The following CTDSPL variants were observed in gnomAD, a reference collection of about 807,000 sequenced individuals.
The protein encoded by CTDSPL is CTD small phosphatase like, also known as CTD small phosphatase-like protein.
A neutral mutation model predicts 30.5 loss-of-function variants in CTDSPL; 8 were observed. The observed-to-expected ratio is 0.26, with a 90% CI of 0.15 to 0.47. The LOEUF is 0.47. Ranked by LOEUF, CTDSPL falls within the 20% of genes least tolerant of loss-of-function variation. The probability of loss-of-function intolerance (pLI) is 0.99; values close to 1 mark genes in which losing one functional copy is unlikely to be tolerated. For synonymous variants in CTDSPL, 110 were observed against 137.9 expected, an observed-to-expected ratio of 0.80 and a Z score of 1.42; for missense variants, 248 against 366.1, an observed-to-expected ratio of 0.68 and a Z score of 2.63.
chr3:37,959,487 C>T (rs549846544), intron 3 of CTDSPL, among the ~76,000 whole-genome samples: 1 of 152,296 alleles, frequency 6.6e-6, no homozygotes, highest in African/African-American at 2.4e-5. Flanking sequence ...TCCAGACAAA[C>T]ACAAACATAT....
intron 2 of CTDSPL, among the ~76,000 whole-genome samples, chr3:37,948,686 A>C (rs1194792455): frequency 6.6e-6 from 1 of 152,232 alleles, no homozygotes; most frequent in African/African-American, 2.4e-5. Flanking sequence ...GAAGGTTTTC[A>C]TATGGTCAAA....
At chr3:37,880,646 G>A (rs1698192833) in intron 1 of CTDSPL, among the ~76,000 whole-genome samples, 1 of 152,174 alleles carries the variant, frequency 6.6e-6, no homozygotes, top group African/African-American at 2.4e-5. Flanking sequence ...TAAAGGTCAA[G>A]AATCCAATAG....
chr3:37,876,401 A>C (rs115162335), intron 1 of CTDSPL, among the ~76,000 whole-genome samples: 1,600 of 152,304 alleles, frequency 0.011, 35 homozygotes, highest in South Asian at 0.078. Context: ...CCAAAATATT[A>C]TCTGTGGTGG....
chr3:37,948,068 G>T (rs1326240409), intron 2 of CTDSPL, among the ~76,000 whole-genome samples: 2 of 152,236 alleles, frequency 1.3e-5, no homozygotes, highest in Non-Finnish European at 2.9e-5. Flanking sequence ...CAGATCACCT[G>T]AGGTCAGGAG....
chr3:37,948,021 C>CGTGG (rs1699059447), intron 2 of CTDSPL, among the ~76,000 whole-genome samples: 3 of 152,224 alleles, frequency 2.0e-5, no homozygotes, highest in African/African-American at 7.2e-5. Context: ...TGGTGGCTCA[C>CGTGG]GCCTGTAATC....
rs1330500742 is a variant in CTDSPL, at chr3:37,938,575, G to C, written c.80-8482G>C. On this transcript the variant is annotated intron_variant, in intron 1 of 7. Transcript: ENST00000273179. The stretch of plus-strand genomic sequence containing the variant: ...TGGCATAAACATAAACATCTGTTGG[G>C]TAGCTCTTTAGACCAGTCTTCTTGG... Among the ~76,000 whole-genome samples the C allele has an allele frequency of 2.7e-5, 4 of 150,078 alleles. 1 individual carries two copies. The Admixed American group carries it at 2.7e-4, about 10-fold the overall frequency.
chr3:37,928,428 TA>T (rs1304115747), intron 1 of CTDSPL, among the ~76,000 whole-genome samples: 3 of 152,230 alleles, frequency 2.0e-5, no homozygotes, highest in African/African-American at 7.2e-5. Flanking sequence ...GCCAGCCTAA[TA>T]GGTGTGAAGT....
rs182423909 is a variant in CTDSPL, at chr3:37,901,366, C to T, written c.79+39088C>T. Among the ~76,000 whole-genome samples, 163 of 152,278 alleles carry T rather than the reference C, an allele frequency of 1.1e-3. 1 individual carries two copies. Among genetic ancestry groups the T allele is most frequent in the African/African-American group, 3.7e-3 (153 of 41,542 alleles). On this transcript the variant is annotated intron_variant, in intron 1 of 7. Coordinates refer to ENST00000273179, the MANE Select transcript of CTDSPL (RefSeq NM_001008392.2). Reference sequence around the variant, plus strand: ...TCTTCCCAGGGGGACAGGCAGCTCTCTGGGAATGGTAGTCCATCTCATTAC... The same window carrying T: ...TCTTCCCAGGGGGACAGGCAGCTCTTTGGGAATGGTAGTCCATCTCATTAC...
At position 37,981,934 on chromosome 3, in the gene CTDSPL, A is replaced by T. The variant is rs950744186; in HGVS notation, c.*1067A>T. On this transcript the variant is annotated 3_prime_UTR_variant, in exon 8 of 8. Transcript: ENST00000273179. ...GTTCTTTGCCACTGTGCCTATGCTC[A>T]GAATATGCTCACTGCTAAGCTACAA... 1.5e-5 allele frequency: 7 copies of T among 456,572 alleles called. No individual in the cohort carries two copies. Among genetic ancestry groups the T allele is most frequent in the Non-Finnish European group, 2.6e-5 (6 of 226,874 alleles). The allele number at this position is 456,572 out of a possible 1,614,324, so 28.3% of individuals were successfully genotyped here. A position where few individuals can be genotyped will look rare whatever the true frequency, so the allele number is the denominator to read the frequency against.
In CTDSPL at chr3:37,906,245, C is replaced by G. The variant is rs143286310; in HGVS notation, c.80-40812C>G. On this transcript the variant is annotated intron_variant, in intron 1 of 7. Coordinates refer to ENST00000273179, the MANE Select transcript of CTDSPL (RefSeq NM_001008392.2). ...AGTATTGATTTCTCCTGGCTCCACC[C>G]TGTGGCATCACCAAAGGTCTGGGCT... Among the ~76,000 whole-genome samples the G allele has an allele frequency of 3.3e-3, 508 of 152,254 alleles. 3 individuals are homozygous for G. The highest frequency in any genetic ancestry group is 0.011 in the African/African-American group (464 of 41,546).
At position 37,865,708 on chromosome 3, in the gene CTDSPL, A is replaced by C. The variant is rs568165290; in HGVS notation, c.79+3430A>C. 8.5e-5 allele frequency among the ~76,000 whole-genome samples: 13 copies of C among 152,314 alleles called. No homozygotes were observed. In the South Asian group the frequency reaches 2.3e-3, roughly 27 times the overall value. ...GATTCTCCTGGTTTTCCCTCATGTT[A>C]TAGCATGGCTGCCACCCTTCCAAAC... On this transcript the variant is annotated intron_variant, in intron 1 of 7. Coordinates refer to ENST00000273179, the MANE Select transcript of CTDSPL (RefSeq NM_001008392.2).
At chr3:37,894,236 C>T (rs1698365649) in intron 1 of CTDSPL, among the ~76,000 whole-genome samples, 1 of 152,104 alleles carries the variant, frequency 6.6e-6, no homozygotes, top group Admixed American at 6.6e-5. Context: ...CACACACCAC[C>T]TTATCCAGCT....
Position 37,971,560 on chromosome 3 carries a change from C to A in CTDSPL, c.519+61C>A. ...GGTACTCCCAGCCCCTCCACCCCTA[C>A]CCCCAATCTGTCAAGCAGCCCTTTG... On this transcript the variant is annotated intron_variant, in intron 6 of 7. Transcript: ENST00000273179. 8.3e-6 allele frequency: 12 copies of A among 1,454,518 alleles called. No individual in the cohort carries two copies. The South Asian group carries it at 1.2e-4, about 14-fold the overall frequency. The allele number at this position is 1,454,518 out of a possible 1,614,324, so 90.1% of individuals were successfully genotyped here.
chr3:37,948,294 A>T lies in CTDSPL; in HGVS notation c.234+1083A>T, dbSNP rs137947686. On this transcript the variant is annotated intron_variant, in intron 2 of 7. Transcript: ENST00000273179. ...ACTGAAACTCCATCTCAAAAAAAAAAATATATGTATATATGTATAAGGAAT... is the reference window on the plus strand; with the variant it reads ...ACTGAAACTCCATCTCAAAAAAAAATATATATGTATATATGTATAAGGAAT... Among the ~76,000 whole-genome samples the T allele has an allele frequency of 7.0e-3, 1,071 of 152,306 alleles. 5 individuals are homozygous for T. The highest frequency in any genetic ancestry group is 0.012 in the Non-Finnish European group (798 of 68,026).
In CTDSPL at chr3:37,982,605, T is replaced by G. The variant is rs1699505297; in HGVS notation, c.*1738T>G. 2 of 456,588 alleles carry G rather than the reference T, an allele frequency of 4.4e-6. No homozygotes were observed. Among genetic ancestry groups the G allele is most frequent in the African/African-American group, 4.0e-5 (2 of 50,078 alleles). The allele number at this position is 456,588 out of a possible 1,614,324, so 28.3% of individuals were successfully genotyped here. The stretch of plus-strand genomic sequence containing the variant: ...GCCAATTACATCCTCCCAACAGCAC[T>G]TTGGTCTGTGGACTGCTGTGTGAAT... On this transcript the variant is annotated 3_prime_UTR_variant, in exon 8 of 8. Transcript: ENST00000273179.
intron 1 of CTDSPL, among the ~76,000 whole-genome samples, chr3:37,894,501 G>A (rs1219841585): frequency 6.6e-6 from 1 of 151,984 alleles, no homozygotes; most frequent in Non-Finnish European, 1.5e-5. Flanking sequence ...TTACTTTTAT[G>A]TAATGTATAA....
At chr3:37,960,961 G>C (rs1305866036) in intron 3 of CTDSPL, among the ~76,000 whole-genome samples, 5 of 151,818 alleles carry the variant, frequency 3.3e-5, no homozygotes, top group Admixed American at 3.3e-4. Context: ...AATTATTTTG[G>C]CCACAAGGAA....
chr3:37,958,833 A>G (rs1699204313), intron 3 of CTDSPL, among the ~76,000 whole-genome samples: 1 of 152,210 alleles, frequency 6.6e-6, no homozygotes, highest in Admixed American at 6.5e-5. Context: ...GACCTCCAGA[A>G]AAGCATTTCC....
chr3:37,873,430 G>A (rs1049245776), intron 1 of CTDSPL, among the ~76,000 whole-genome samples: 2 of 151,984 alleles, frequency 1.3e-5, no homozygotes, highest in Admixed American at 1.3e-4. Context: ...CCAAGTCTAG[G>A]GTCTGTCTAC....
Sources: allele counts gnomAD v4.1 joint callset (sites outside exome capture counted in the v4.1 genomes callset), GRCh38; gene constraint gnomAD v4.1.1; transcripts MANE v1.5; gene names NCBI Gene and HGNC (gene_info 2026-07-23, HGNC 2026-07-21).